Variants in NEK10 observed in about 807,000 individuals in gnomAD.
The protein encoded by NEK10 is NIMA related kinase 10.
In NEK10, 122 loss-of-function variants were observed where a neutral mutation model predicts 159.8. That is an observed-to-expected ratio of 0.76 (90% CI 0.66 to 0.89). The LOEUF is 0.89. Ranked by LOEUF, NEK10 falls within the 40% of genes least tolerant of loss-of-function variation. NEK10 has a pLI of 0.00. For missense variants in NEK10, 1,342 were observed against 1,323.1 expected, an observed-to-expected ratio of 1.01 and a Z score of -0.22; for synonymous variants, 466 against 457.1, an observed-to-expected ratio of 1.02 and a Z score of -0.25.
intron 1 of NEK10, among the ~76,000 whole-genome samples, chr3:27,366,104 C>T (rs767207267): frequency 2.6e-5 from 4 of 152,076 alleles, no homozygotes; most frequent in Non-Finnish European, 5.9e-5. Flanking sequence ...GAACACAATA[C>T]AAATAAATAA....
At chr3:27,352,676 G>T in intron 2 of NEK10, 136 bp downstream of exon 2, 1 of 806,564 alleles carries the variant, frequency 1.2e-6, no homozygotes, top group South Asian at 1.6e-5. Context: ...CACTAGAAAT[G>T]ACCAGATGTT....
At chr3:27,142,577 T>C (rs1943894490) in intron 30 of NEK10, among the ~76,000 whole-genome samples, 1 of 152,052 alleles carries the variant, frequency 6.6e-6, no homozygotes, top group Admixed American at 6.6e-5. Context: ...TGAGCTACTA[T>C]GAAGTTAAAC....
chr3:27,307,740 C>A (rs78719427), intron 11 of NEK10, 119 bp downstream of exon 11: 1 of 650,218 alleles, frequency 1.5e-6, no homozygotes, highest in African/African-American at 1.9e-5. Context: ...AAAATAAATG[C>A]CAAGCTGACT....
In NEK10 at chr3:27,157,076, A is replaced by G. The variant is rs894018103; in HGVS notation, c.2869+5625T>C. On this transcript the variant is annotated intron_variant, in intron 30 of 35. Coordinates refer to ENST00000691995, the MANE Select transcript of NEK10 (RefSeq NM_001394966.1). The stretch of plus-strand genomic sequence containing the variant: ...ACTATTATTCTAAGTGAAGTAACTC[A>G]GGAATGGAAAACCAAACATTGTATC... 8.0e-5 allele frequency among the ~76,000 whole-genome samples: 12 copies of G among 150,696 alleles called. No homozygotes were observed. In the South Asian group the frequency reaches 1.1e-3, roughly 13 times the overall value.
intron 32 of NEK10, among the ~76,000 whole-genome samples, chr3:27,120,380 G>A (rs1575380655): frequency 2.0e-5 from 3 of 151,096 alleles, no homozygotes; most frequent in South Asian, 4.2e-4. Flanking sequence ...CTGCAGTGCA[G>A]TGGCACAATC....
rs1218914349 is a variant in NEK10, at chr3:27,171,855, A to C, written c.2795T>G (p.Phe932Cys). 6.2e-7 allele frequency: 1 copy of C among 1,613,650 alleles called. No individual in the cohort carries two copies. ...TTGTCTTTCTCCTCCTGAAGCACTA[A>C]AACTTCTCTTTAAAATGTCTGAGAC... is the stretch of plus-strand genomic sequence containing the variant. ...ESTFNILKRS[F>C]SASGGERQSQ... Residue 932 changes from phenylalanine to cysteine, a missense_variant, in exon 29 of 36, where the codon TTT becomes TGT. Physicochemically the swap from Phe to Cys is radical, Grantham distance 205. Coordinates refer to ENST00000691995, the MANE Select transcript of NEK10 (RefSeq NM_001394966.1).
intron 26 of NEK10, among the ~76,000 whole-genome samples, chr3:27,178,857 T>C (rs1341236486): frequency 6.6e-6 from 1 of 152,216 alleles, no homozygotes; most frequent in Non-Finnish European, 1.5e-5. Context: ...GGTGGGCTGA[T>C]GGAATAAGCC....
At chr3:27,270,428 G>C (rs2041244167) in intron 22 of NEK10, among the ~76,000 whole-genome samples, 1 of 152,066 alleles carries the variant, frequency 6.6e-6, no homozygotes, top group Non-Finnish European at 1.5e-5. Context: ...TTTGACTACA[G>C]CCTCATGAGA....
chr3:27,257,729 G>A (rs1956351749), intron 22 of NEK10, among the ~76,000 whole-genome samples: 2 of 151,680 alleles, frequency 1.3e-5, no homozygotes, highest in African/African-American at 2.4e-5. Flanking sequence ...TCTATTATGA[G>A]CAACTTGAGT....
intron 11 of NEK10, among the ~76,000 whole-genome samples, chr3:27,306,527 C>T (rs996113965): frequency 6.6e-6 from 1 of 152,226 alleles, no homozygotes; most frequent in African/African-American, 2.4e-5. Context: ...CCCCACCTCA[C>T]TCCCACATAC....
chr3:27,206,409 T>C (rs1004788248), intron 23 of NEK10, among the ~76,000 whole-genome samples: 4 of 152,152 alleles, frequency 2.6e-5, no homozygotes, highest in Non-Finnish European at 4.4e-5. Context: ...AAAAATGCTA[T>C]AGGAAAATAA....
intron 5 of NEK10, among the ~76,000 whole-genome samples, chr3:27,334,267 C>A (rs758931122): frequency 2.0e-5 from 3 of 152,190 alleles, no homozygotes; most frequent in Non-Finnish European, 4.4e-5. Context: ...ATTGCAGCCA[C>A]CACCAACACC....
chr3:27,294,356 C>G (rs2043198845), intron 15 of NEK10, among the ~76,000 whole-genome samples: 1 of 152,194 alleles, frequency 6.6e-6, no homozygotes, highest in African/African-American at 2.4e-5. Flanking sequence ...AATCAGTGAT[C>G]TGAACACAGA....
At chr3:27,360,146 A>C (rs2048582381) in intron 1 of NEK10, among the ~76,000 whole-genome samples, 1 of 152,194 alleles carries the variant, frequency 6.6e-6, no homozygotes, top group Non-Finnish European at 1.5e-5. Flanking sequence ...TTTATCCCTT[A>C]TATTACATTG....
chr3:27,356,171 A>G (rs2048312953), intron 1 of NEK10, among the ~76,000 whole-genome samples: 1 of 152,110 alleles, frequency 6.6e-6, no homozygotes, highest in Non-Finnish European at 1.5e-5. Flanking sequence ...CAAGCCTACT[A>G]GCACCTTGAT....
At chr3:27,258,788 C>A (rs958640442) in intron 22 of NEK10, among the ~76,000 whole-genome samples, 1 of 152,154 alleles carries the variant, frequency 6.6e-6, no homozygotes, top group Non-Finnish European at 1.5e-5. Flanking sequence ...CCTGAGGAAT[C>A]GCCACACTGA....
chr3:27,222,077 A>G (rs942369439), intron 23 of NEK10, among the ~76,000 whole-genome samples: 1 of 152,202 alleles, frequency 6.6e-6, no homozygotes, highest in African/African-American at 2.4e-5. Flanking sequence ...TTATTTCTTC[A>G]AAAAACTTTT....
At chr3:27,135,817 A>G (rs1559498899) in intron 31 of NEK10, among the ~76,000 whole-genome samples, 2 of 152,196 alleles carry the variant, frequency 1.3e-5, no homozygotes, top group Non-Finnish European at 2.9e-5. Context: ...AATTTAAGAA[A>G]TACAACTTTA....
chr3:27,179,622 T>A (rs557997049), intron 26 of NEK10, among the ~76,000 whole-genome samples: 2 of 152,336 alleles, frequency 1.3e-5, no homozygotes, highest in East Asian at 1.9e-4. Flanking sequence ...TCTGAAATTA[T>A]CATTTGTTAA....
Sources: gnomAD v4.1 joint callset for allele counts (sites outside exome capture counted in the v4.1 genomes callset) on GRCh38, gnomAD v4.1.1 for gene constraint, MANE v1.5 for transcripts, NCBI Gene and HGNC (gene_info 2026-07-23, HGNC 2026-07-21) for gene names.